SLC38A9: variants seen among roughly 807,000 people sequenced by gnomAD.
SLC38A9 encodes the protein solute carrier family 38 member 9.
A neutral mutation model predicts 62.3 loss-of-function variants in SLC38A9; 48 were observed. The observed-to-expected ratio is 0.77, with a 90% CI of 0.61 to 0.98. The LOEUF (loss-of-function observed/expected upper bound fraction) is 0.98, where lower values mean the gene tolerates loss of function less well. Among genes scored for constraint, SLC38A9 ranks in the 50% least tolerant of loss-of-function variants. The pLI, the probability that SLC38A9 is intolerant of heterozygous loss-of-function variation, is 0.00. For missense variants in SLC38A9, 541 were observed against 679.8 expected (o/e 0.80, Z 2.27); for synonymous variants, 204 against 227.7 (o/e 0.90, Z 0.94).
intron 13 of SLC38A9, 40 bp from the exon 14 acceptor site, chr5:55,633,942 A>C (rs370159563): frequency 4.1e-6 from 6 of 1,457,224 alleles, no homozygotes; most frequent in Middle Eastern, 2.3e-4. Context: ...TAAAAATCAA[A>C]TTCAGTACAC....
intron 12 of SLC38A9, among the ~76,000 whole-genome samples, chr5:55,640,652 A>G (rs566733334): frequency 6.6e-6 from 1 of 152,252 alleles, no homozygotes; most frequent in African/African-American, 2.4e-5. Context: ...TTAAGCACAG[A>G]CAGTCCTCAC....
chr5:55,638,265 G>A (rs563803747), intron 12 of SLC38A9, among the ~76,000 whole-genome samples: 41 of 152,202 alleles, frequency 2.7e-4, no homozygotes, highest in African/African-American at 9.9e-4. Flanking sequence ...CTATTCTCTG[G>A]CTCAAACACA....
At chr5:55,631,049 C>T (rs2150028623) in intron 14 of SLC38A9, among the ~76,000 whole-genome samples, 1 of 152,222 alleles carries the variant, frequency 6.6e-6, no homozygotes, top group East Asian at 1.9e-4. Flanking sequence ...AGGAGAATTG[C>T]TTGAACCCAG....
intron 3 of SLC38A9, chr5:55,692,988 C>T (rs1754953635): frequency 1.0e-6 from 1 of 984,140 alleles, no homozygotes; most frequent in Non-Finnish European, 1.2e-6. Flanking sequence ...AGACTAAAAA[C>T]TTAAGTATGT....
chr5:55,672,703 G>A lies in SLC38A9; in HGVS notation c.114-8C>T, dbSNP rs762306902. The A allele has an allele frequency of 6.2e-7, 1 of 1,609,210 alleles. No individual in the cohort carries two copies. Among genetic ancestry groups the A allele is most frequent in the Non-Finnish European group, 8.5e-7 (1 of 1,178,758 alleles). ...GGCTCTATACAGAAAGGCCTACAAA[G>A]GGAATATACACTTGACAAAAAGTGT... On this transcript the variant is annotated splice_polypyrimidine_tract_variant and splice_region_variant and intron_variant, in intron 3 of 15. Coordinates refer to ENST00000396865, the MANE Select transcript of SLC38A9 (RefSeq NM_173514.4).
intron 9 of SLC38A9, among the ~76,000 whole-genome samples, chr5:55,653,116 A>G (rs1015973676): frequency 6.6e-6 from 1 of 152,068 alleles, no homozygotes; most frequent in African/African-American, 2.4e-5. Flanking sequence ...ACAGGCACAC[A>G]TCACCATGCC....
intron 11 of SLC38A9, 41 bp from the exon 12 acceptor site, chr5:55,645,936 T>A: frequency 7.3e-7 from 1 of 1,364,058 alleles, no homozygotes; most frequent in Non-Finnish European, 1.0e-6. Context: ...AACTGACAAT[T>A]AGAAAATGAG....
intron 2 of SLC38A9, among the ~76,000 whole-genome samples, chr5:55,700,359 C>CAAAAAAAAAAAAAAAAAAA (rs145225219): frequency 7.2e-6 from 1 of 138,974 alleles, no homozygotes. Context: ...ATAAAACAAG[C>CAAAAAAAAAAAAAAAAAAA]CAAAAAAAAA....
chr5:55,651,536 C>T (rs1453045637), intron 10 of SLC38A9, among the ~76,000 whole-genome samples: 1 of 152,056 alleles, frequency 6.6e-6, no homozygotes, highest in African/African-American at 2.4e-5. Context: ...GCGTGAGCCA[C>T]CACACCTGGC....
Position 55,664,778 on chromosome 5 carries a change from G to A in SLC38A9, c.612C>T (p.Phe204=). 6.3e-7 allele frequency: 1 copy of A among 1,599,996 alleles called. No homozygotes were observed. The highest frequency in any genetic ancestry group is 8.5e-7 in the Non-Finnish European group (1 of 1,174,436). The change falls in exon 8 of 16, where the codon TTC becomes TTT. Residue 204 remains phenylalanine (F), a synonymous_variant. Transcript: ENST00000396865. ...TTGCTCCAATGAGAGACACCAAGGA[G>A]AAAAGGAGACTCGACCACTGCCCAA... is the stretch of plus-strand genomic sequence containing the variant. ...GSFGQWSSLL[F]SLVSLIGAMI... is the part of the protein sequence containing the mutation.
At chr5:55,674,804 G>A (rs1472891687) in intron 3 of SLC38A9, among the ~76,000 whole-genome samples, 1 of 152,136 alleles carries the variant, frequency 6.6e-6, no homozygotes, top group Non-Finnish European at 1.5e-5. Flanking sequence ...TGTAAATTTG[G>A]TAGTCTGCTG....
At chr5:55,690,815 AGTTAGAGAT>A (rs777593250) in intron 3 of SLC38A9, among the ~76,000 whole-genome samples, 5 of 152,202 alleles carry the variant, frequency 3.3e-5, no homozygotes, top group Non-Finnish European at 7.3e-5. Flanking sequence ...TGAGATGTGG[AGTTAGAGAT>A]GTCTTAAATC....
chr5:55,707,216 G>A (rs1262659077), intron 2 of SLC38A9, among the ~76,000 whole-genome samples: 1 of 152,146 alleles, frequency 6.6e-6, no homozygotes, highest in Non-Finnish European at 1.5e-5. Flanking sequence ...ATGTCTTGAT[G>A]AGAAGTATAA....
chr5:55,676,422 C>T lies in SLC38A9; in HGVS notation c.114-3727G>A, dbSNP rs139830110. The stretch of plus-strand genomic sequence containing the variant: ...TCAAACTTCTGGCACAAGCAATCCT[C>T]CTGTCTTGGCCTCCCAAAGTGTTGG... On this transcript the variant is annotated intron_variant, in intron 3 of 15. Coordinates refer to ENST00000396865, the MANE Select transcript of SLC38A9 (RefSeq NM_173514.4). 8.1e-4 allele frequency among the ~76,000 whole-genome samples: 123 copies of T among 152,306 alleles called. 3 individuals carry two copies. In the East Asian group the frequency reaches 0.023, roughly 28 times the overall value.
chr5:55,628,305 C>G (rs1335153129), intron 14 of SLC38A9, among the ~76,000 whole-genome samples: 1 of 151,954 alleles, frequency 6.6e-6, no homozygotes, highest in East Asian at 1.9e-4. Context: ...CTATGAATAT[C>G]AAGATATTTA....
intron 4 of SLC38A9, among the ~76,000 whole-genome samples, chr5:55,671,519 T>TTTTTTG (rs1561382538): frequency 6.6e-6 from 1 of 151,230 alleles, no homozygotes. Flanking sequence ...TTTTTTTTTT[T>TTTTTTG]TAAGAGATGG....
chr5:55,701,749 G>A (rs1253026252), intron 2 of SLC38A9, among the ~76,000 whole-genome samples: 1 of 152,164 alleles, frequency 6.6e-6, no homozygotes, highest in Non-Finnish European at 1.5e-5. Flanking sequence ...TAAAAGCAAG[G>A]GATGTAGCTT....
intron 8 of SLC38A9, among the ~76,000 whole-genome samples, chr5:55,660,350 G>C (rs879017883): frequency 6.6e-6 from 1 of 152,110 alleles, no homozygotes; most frequent in East Asian, 1.9e-4. Context: ...AGAGGTCAAG[G>C]CTGCAGTGAG....
intron 13 of SLC38A9, 112 bp from the exon 14 acceptor site, chr5:55,634,014 T>A (rs1743953030): frequency 1.3e-6 from 1 of 760,012 alleles, no homozygotes; most frequent in South Asian, 2.3e-5. Flanking sequence ...CGATTGTGGT[T>A]TGTGGACTAG....
Sources: allele counts gnomAD v4.1 joint callset (sites outside exome capture counted in the v4.1 genomes callset), GRCh38; gene constraint gnomAD v4.1.1; transcripts MANE v1.5; gene names NCBI Gene and HGNC (gene_info 2026-07-23, HGNC 2026-07-21).